Variants in AGAP1 observed in about 807,000 individuals in gnomAD.
AGAP1 encodes the protein arf-GAP with GTPase, ANK repeat and PH domain-containing protein 1.
In AGAP1, 29 loss-of-function variants were observed where a neutral mutation model predicts 105.3. That is an observed-to-expected ratio of 0.28 (90% CI 0.21 to 0.38). The LOEUF (loss-of-function observed/expected upper bound fraction) is 0.38, where lower values mean the gene tolerates loss of function less well. Among genes scored for constraint, AGAP1 ranks in the 10% least tolerant of loss-of-function variants. AGAP1 has a pLI of 1.00. For synonymous variants in AGAP1, 509 were observed against 485.9 expected, an observed-to-expected ratio of 1.05 and a Z score of -0.63; for missense variants, 998 against 1,165.1, an observed-to-expected ratio of 0.86 and a Z score of 2.09.
At position 235,716,253 on chromosome 2, in the gene AGAP1, C is replaced by T. The variant is rs1283944529; in HGVS notation, c.223-1304C>T. On this transcript the variant is annotated intron_variant, in intron 2 of 17. Coordinates refer to ENST00000304032, the MANE Select transcript of AGAP1 (RefSeq NM_001037131.3). This position sits in a 1 kb window ranked among gnomAD's most constrained non-coding sequence, Gnocchi z 4.0. ...AGCCCTGGCGAGTCCCAGTATGTCC[C>T]TGCAGATGGAGGAAGAACCCACAGG... Among the ~76,000 whole-genome samples the T allele has an allele frequency of 3.3e-5, 5 of 152,126 alleles. No homozygotes were observed. The highest frequency in any genetic ancestry group is 9.7e-5 in the African/African-American group (4 of 41,440).
In AGAP1 at chr2:235,550,497, A is replaced by G. The variant is rs1349200213; in HGVS notation, c.163+55648A>G. On this transcript the variant is annotated intron_variant, in intron 1 of 17. Transcript: ENST00000304032. The surrounding 1 kb of genome is among the most constrained non-coding windows in gnomAD (Gnocchi z 4.6). ...TTCACAGCAGTGTCAGTGCCTGCCC[A>G]GAGTGTGCTAGAATGCCAGTTCTTG... Among the ~76,000 whole-genome samples the G allele has an allele frequency of 6.6e-6, 1 of 152,142 alleles. No individual in the cohort carries two copies. Among genetic ancestry groups the G allele is most frequent in the East Asian group, 1.9e-4 (1 of 5,178 alleles).
In AGAP1 at chr2:236,071,063, T is replaced by C. The variant is rs10197713; in HGVS notation, c.2114+21782T>C. Among the ~76,000 whole-genome samples the C allele has an allele frequency of 5.7e-3, 869 of 152,362 alleles. 7 individuals carry two copies. The highest frequency in any genetic ancestry group is 0.02 in the African/African-American group (821 of 41,580). ...ACAAAGCTAGAGGAGATCATGTTTC[T>C]GAGACCGTTAAGGAAGCCCACGGCT... On this transcript the variant is annotated intron_variant, in intron 16 of 17. Transcript: ENST00000304032.
intron 1 of AGAP1, among the ~76,000 whole-genome samples, chr2:235,580,605 G>T (rs1944899281): frequency 1.3e-5 from 2 of 152,104 alleles, no homozygotes; most frequent in Non-Finnish European, 2.9e-5. Flanking sequence ...CTGACTATGG[G>T]CATTTTCATG....
At chr2:235,852,775 G>T in intron 9 of AGAP1, 1 of 1,453,626 alleles carries the variant, frequency 6.9e-7, no homozygotes, top group Non-Finnish European at 9.3e-7. Context: ...CCTGGCCAGG[G>T]CCGAGGGGTG....
intron 1 of AGAP1, among the ~76,000 whole-genome samples, chr2:235,505,315 C>G (rs1221566521): frequency 6.6e-6 from 1 of 152,198 alleles, no homozygotes; most frequent in Admixed American, 6.5e-5. Context: ...TGCCCATCCC[C>G]CTCCACAAAG....
chr2:236,055,387 G>A lies in AGAP1; in HGVS notation c.2114+6106G>A, dbSNP rs139024230. ...AGTGCTCTCAGGGAGAATTCTGTTT[G>A]TGGAGGAAGCTGCTGTGCTCTGTGA... On this transcript the variant is annotated intron_variant, in intron 16 of 17. Transcript: ENST00000304032. The surrounding 1 kb of genome is among the most constrained non-coding windows in gnomAD (Gnocchi z 6.2). Among the ~76,000 whole-genome samples the A allele has an allele frequency of 6.6e-6, 1 of 152,206 alleles. No homozygotes were observed. Among genetic ancestry groups the A allele is most frequent in the Non-Finnish European group, 1.5e-5 (1 of 68,040 alleles).
intron 13 of AGAP1, among the ~76,000 whole-genome samples, chr2:236,018,432 G>A (rs2056781976): frequency 6.6e-6 from 1 of 152,238 alleles, no homozygotes; most frequent in South Asian, 2.1e-4. Flanking sequence ...CCTCTTCGCT[G>A]CACCGCAGGG....
intron 1 of AGAP1, among the ~76,000 whole-genome samples, chr2:235,539,887 A>C (rs1430326377): frequency 6.6e-6 from 1 of 152,126 alleles, no homozygotes; most frequent in East Asian, 1.9e-4. Flanking sequence ...CGGGATAGGA[A>C]AACAAGCCCT....
chr2:235,537,906 A>G (rs1943294600), intron 1 of AGAP1, among the ~76,000 whole-genome samples: 1 of 152,148 alleles, frequency 6.6e-6, no homozygotes, highest in South Asian at 2.1e-4. Flanking sequence ...TCATCAGAAT[A>G]TCTGGCATGC....
chr2:235,971,471 C>A lies in AGAP1; in HGVS notation c.1645+2848C>A, dbSNP rs554004953. Among the ~76,000 whole-genome samples, 4 of 152,232 alleles carry A rather than the reference C, an allele frequency of 2.6e-5. No individual in the cohort carries two copies. In the East Asian group the frequency reaches 7.8e-4, roughly 30 times the overall value. The stretch of plus-strand genomic sequence containing the variant: ...ATCCCAGCACTTTGGGAGGCTGAGG[C>A]GGGCGGATCACGAGGTCAGGAGATC... On this transcript the variant is annotated intron_variant, in intron 13 of 17. Coordinates refer to ENST00000304032, the MANE Select transcript of AGAP1 (RefSeq NM_001037131.3). The surrounding 1 kb of genome is among the most constrained non-coding windows in gnomAD (Gnocchi z 4.8).
rs138888973 is a variant in AGAP1 at position 235,777,411 on chromosome 2, T to A, written c.674-20348T>A. ...GAGCTGGAGACAGAACCAGCAGACA[T>A]GGGACAGAAGAAGAATTACAGGTGT... On this transcript the variant is annotated intron_variant, in intron 6 of 17. Coordinates refer to ENST00000304032, the MANE Select transcript of AGAP1 (RefSeq NM_001037131.3). The surrounding 1 kb of genome is among the most constrained non-coding windows in gnomAD (Gnocchi z 5.1). 1.3e-5 allele frequency among the ~76,000 whole-genome samples: 2 copies of A among 152,148 alleles called. No homozygotes were observed. The highest frequency in any genetic ancestry group is 4.1e-4 in the South Asian group (2 of 4,826).
At chr2:236,010,027 C>T (rs3738993) in intron 13 of AGAP1, among the ~76,000 whole-genome samples, 99,179 of 151,458 alleles carry the variant, frequency 0.65, 33,814 homozygotes, top group African/African-American at 0.85. Flanking sequence ...ATTCTGCTTA[C>T]AAAGAGCCAG....
Position 235,582,611 on chromosome 2 carries a change from A to T in AGAP1, c.163+87762A>T, listed in dbSNP as rs1248021731. 6.6e-6 allele frequency among the ~76,000 whole-genome samples: 1 copy of T among 152,150 alleles called. No homozygotes were observed. Among genetic ancestry groups the T allele is most frequent in the African/African-American group, 2.4e-5 (1 of 41,438 alleles). ...TAAAAGAAGGATTCTTTGGGGGAGG[A>T]CCTATAAATATTTCTTAAAAGTGTT... On this transcript the variant is annotated intron_variant, in intron 1 of 17. Coordinates refer to ENST00000304032, the MANE Select transcript of AGAP1 (RefSeq NM_001037131.3). This position sits in a 1 kb window ranked among gnomAD's most constrained non-coding sequence, Gnocchi z 4.7.
chr2:235,871,638 C>T (rs190198576), intron 9 of AGAP1, among the ~76,000 whole-genome samples: 18 of 152,162 alleles, frequency 1.2e-4, no homozygotes, highest in Non-Finnish European at 2.6e-4. Flanking sequence ...GTTTTTCTTA[C>T]CTGTTGCTGC....
At chr2:235,497,528 C>G (rs1173387794) in intron 1 of AGAP1, among the ~76,000 whole-genome samples, 1 of 152,246 alleles carries the variant, frequency 6.6e-6, no homozygotes, top group African/African-American at 2.4e-5. Context: ...ATTTTTTCCC[C>G]TTCCTCTGTA....
rs1189652225 is a variant in AGAP1, at chr2:235,751,832, G to T, written c.673+1344G>T. ...TATCCAGTGCCAATGCTGAAGAAGCGCAGGGTCCCCTGAGGATCAGCACAA... is the reference window on the plus strand; with the variant it reads ...TATCCAGTGCCAATGCTGAAGAAGCTCAGGGTCCCCTGAGGATCAGCACAA... On this transcript the variant is annotated intron_variant, in intron 6 of 17. Transcript: ENST00000304032. This position sits in a 1 kb window ranked among gnomAD's most constrained non-coding sequence, Gnocchi z 5.3. Among the ~76,000 whole-genome samples the T allele has an allele frequency of 6.6e-6, 1 of 152,190 alleles. No individual in the cohort carries two copies. Among genetic ancestry groups the T allele is most frequent in the Non-Finnish European group, 1.5e-5 (1 of 68,038 alleles).
chr2:235,840,587 G>T (rs1444130013), intron 9 of AGAP1, among the ~76,000 whole-genome samples: 1 of 152,142 alleles, frequency 6.6e-6, no homozygotes, highest in East Asian at 1.9e-4. Context: ...CTGTTGGAGG[G>T]CAGGAGCCCA....
At chr2:235,518,809 T>C (rs968751008) in intron 1 of AGAP1, among the ~76,000 whole-genome samples, 1 of 152,222 alleles carries the variant, frequency 6.6e-6, no homozygotes, top group African/African-American at 2.4e-5. Context: ...AGCAGCTGCA[T>C]GTCCTCAGGT....
rs1234437780 is a variant in AGAP1, at chr2:235,889,892, C to T, written c.1155+6443C>T. Among the ~76,000 whole-genome samples the T allele has an allele frequency of 1.3e-5, 2 of 152,118 alleles. No homozygotes were observed. The highest frequency in any genetic ancestry group is 4.8e-5 in the African/African-American group (2 of 41,416). On this transcript the variant is annotated intron_variant, in intron 10 of 17. Coordinates refer to ENST00000304032, the MANE Select transcript of AGAP1 (RefSeq NM_001037131.3). This position sits in a 1 kb window ranked among gnomAD's most constrained non-coding sequence, Gnocchi z 4.6. ...GAAAAGAAGCAAAACATGGAGCCAA[C>T]TCAGACTAAGAAAGCTCCATGAAAG...
Sources: gnomAD v4.1 joint callset for allele counts (sites outside exome capture counted in the v4.1 genomes callset) on GRCh38, gnomAD v4.1.1 for gene constraint, Gnocchi (gnomAD v3.1) non-coding constraint, MANE v1.5 for transcripts, NCBI Gene and HGNC (gene_info 2026-07-23, HGNC 2026-07-21) for gene names.